LPIN1: variants seen among roughly 807,000 people sequenced by gnomAD.
The protein encoded by LPIN1 is phosphatidate phosphatase LPIN1.
A neutral mutation model predicts 107.5 loss-of-function variants in LPIN1; 71 were observed. The ratio of observed to expected loss-of-function variants is 0.66; its 90% CI spans 0.55 to 0.80. LPIN1 has a LOEUF of 0.80. Among genes scored for constraint, LPIN1 ranks in the 30% least tolerant of loss-of-function variants. LPIN1 has a pLI of 0.00. For synonymous variants in LPIN1, 445 were observed against 452.6 expected (o/e 0.98, Z 0.21); for missense variants, 1,043 against 1,160.6 (o/e 0.90, Z 1.47).
In LPIN1 at chr2:11,776,067, A is replaced by G. The variant is rs1672635199; in HGVS notation, c.723-19A>G. Reference sequence around the variant, plus strand: ...TGATTTTGTCTTTCTTTTAATGTGTATCACGTGGTGGTATCCAGTAGCCTG... The same window carrying G: ...TGATTTTGTCTTTCTTTTAATGTGTGTCACGTGGTGGTATCCAGTAGCCTG... On this transcript the variant is annotated intron_variant, in intron 5 of 20. Transcript: ENST00000674199. 7 of 1,465,634 alleles carry G rather than the reference A, an allele frequency of 4.8e-6. No individual in the cohort carries two copies. The South Asian group carries it at 4.9e-5, about 10-fold the overall frequency. The allele number at this position is 1,465,634 out of a possible 1,614,324, so 90.8% of individuals were successfully genotyped here.
Position 11,776,188 on chromosome 2 carries a change from G to C in LPIN1, c.825G>C (p.Ser275=). ...CPPQSSLFHP[S]ESPSGSRPST... ...CACAGTCTTCCCTGTTCCATCCTTC[G>C]GAAAGGTAGAGGAGTTATTTTCCCC... Residue 275 remains serine, a synonymous_variant, in exon 6 of 21, where the codon TCG becomes TCC. Transcript: ENST00000674199. The C allele has an allele frequency of 2.0e-6, 3 of 1,532,776 alleles. No individual in the cohort carries two copies. Among genetic ancestry groups the C allele is most frequent in the Non-Finnish European group, 2.6e-6 (3 of 1,133,994 alleles). 94.9% of individuals were successfully genotyped at this position (1,532,776 alleles called of 1,614,324 possible). A position where few individuals can be genotyped will look rare whatever the true frequency, so the allele number is the denominator to read the frequency against.
chr2:11,701,799 T>C lies in LPIN1; in HGVS notation c.82-11957T>C, dbSNP rs192838698. On this transcript the variant is annotated intron_variant, in intron 1 of 21. Transcript: ENST00000449576. ...AGTCCGATTCTAAAGCCTGTGTGTTTAGATTACAGAAAGCTGCTGGTATTA... is the reference window on the plus strand; with the variant it reads ...AGTCCGATTCTAAAGCCTGTGTGTTCAGATTACAGAAAGCTGCTGGTATTA... 1.9e-3 allele frequency among the ~76,000 whole-genome samples: 295 copies of C among 152,340 alleles called. 3 individuals carry two copies. The highest frequency in any genetic ancestry group is 6.6e-3 in the African/African-American group (274 of 41,576).
intron 1 of LPIN1, among the ~76,000 whole-genome samples, chr2:11,727,353 T>C (rs1011901067): frequency 9.8e-5 from 15 of 152,338 alleles, no homozygotes; most frequent in Middle Eastern, 3.4e-3. Flanking sequence ...CTAATCTAAT[T>C]TCCTGTGTTC....
At position 11,767,841 on chromosome 2, in the gene LPIN1, G is replaced by T; in HGVS notation, c.271G>T (p.Glu91Ter). 6.2e-7 allele frequency: 1 copy of T among 1,609,118 alleles called. No homozygotes were observed. The highest frequency in any genetic ancestry group is 1.1e-5 in the South Asian group (1 of 90,944). Reference sequence around the variant, plus strand: ...TAATGGAGAAGCATTTTTTGTTCAAGAAACAGATAATGATCAGGTAAGGAA... The same window carrying T: ...TAATGGAGAAGCATTTTTTGTTCAATAAACAGATAATGATCAGGTAAGGAA... ...GDNGEAFFVQ[E>*]TDNDQEVIPM... The change falls in exon 3 of 21, where the codon GAA becomes TAA. Residue 91 changes from glutamate to a stop codon, truncating the protein, a stop_gained. Transcript: ENST00000674199. LOFTEE classifies it high-confidence loss of function.
chr2:11,785,938 C>T (rs571529527), intron 10 of LPIN1, among the ~76,000 whole-genome samples: 1 of 152,352 alleles, frequency 6.6e-6, no homozygotes, highest in South Asian at 2.1e-4. Context: ...CATTCATTCA[C>T]TCAGTTTTCC....
chr2:11,741,411 A>G (rs1482877763), exon 2 of LPIN1: 1 of 1,550,212 alleles, frequency 6.5e-7, no homozygotes, highest in East Asian at 2.4e-5. Flanking sequence ...ACAACTAGAA[A>G]CCTCATCCAT....
intron 1 of LPIN1, among the ~76,000 whole-genome samples, chr2:11,699,022 G>T (rs1238011133): frequency 1.3e-5 from 2 of 152,204 alleles, no homozygotes; most frequent in Non-Finnish European, 2.9e-5. Context: ...ACACAACTTT[G>T]TAAACGTTCT....
At chr2:11,800,167 G>T (rs1393536709) in intron 14 of LPIN1, among the ~76,000 whole-genome samples, 2 of 152,222 alleles carry the variant, frequency 1.3e-5, no homozygotes, top group African/African-American at 4.8e-5. Flanking sequence ...TGCCATCGAT[G>T]CCTGGCATGG....
At chr2:11,681,388 T>A (rs960880113) in intron 1 of LPIN1, 1 of 152,372 alleles carries the variant, frequency 6.6e-6, no homozygotes, top group Non-Finnish European at 1.5e-5. Flanking sequence ...TCATGAGAGA[T>A]CTGGTTGGTT....
At chr2:11,756,434 G>C (rs1668701314) in intron 1 of LPIN1, among the ~76,000 whole-genome samples, 2 of 152,108 alleles carry the variant, frequency 1.3e-5, no homozygotes, top group Admixed American at 1.3e-4. Flanking sequence ...TGTCGCCCAG[G>C]CTGGAGTACA....
At chr2:11,725,835 G>C (rs958921538) in intron 1 of LPIN1, among the ~76,000 whole-genome samples, 1 of 152,108 alleles carries the variant, frequency 6.6e-6, no homozygotes, top group Non-Finnish European at 1.5e-5. Flanking sequence ...TGGATTTCTG[G>C]CCCTTCTTTT....
At chr2:11,680,552 A>G (rs1247019595) in intron 1 of LPIN1, among the ~76,000 whole-genome samples, 1 of 152,146 alleles carries the variant, frequency 6.6e-6, no homozygotes, top group Non-Finnish European at 1.5e-5. Flanking sequence ...GTCAAGAGTG[A>G]TTCAGCCTGG....
intron 1 of LPIN1, chr2:11,682,256 A>T (rs1037911036): frequency 6.6e-6 from 1 of 152,326 alleles, no homozygotes; most frequent in African/African-American, 2.4e-5. Context: ...ATAGGAAACC[A>T]CCTGGAAACC....
intron 1 of LPIN1, chr2:11,713,645 A>G: frequency 1.6e-6 from 1 of 628,842 alleles, no homozygotes; most frequent in Non-Finnish European, 2.8e-6. Context: ...ACCATGTTCA[A>G]AATGTAGAGT....
chr2:11,746,705 G>C (rs1013817005), intron 1 of LPIN1, 34 bp downstream of exon 1: 1 of 973,726 alleles, frequency 1.0e-6, no homozygotes, highest in African/African-American at 1.8e-5. Context: ...TCCCGCTGTG[G>C]AGCAGGGGCC....
intron 14 of LPIN1, among the ~76,000 whole-genome samples, chr2:11,799,211 T>G (rs1399307389): frequency 6.6e-6 from 1 of 152,158 alleles, no homozygotes; most frequent in Non-Finnish European, 1.5e-5. Context: ...TTTTCCTTTC[T>G]GTGTTCCTTC....
Position 11,759,127 on chromosome 2 carries a change from T to G in LPIN1, c.-9-6406T>G, listed in dbSNP as rs185499953. Among the ~76,000 whole-genome samples the G allele has an allele frequency of 6.1e-3, 825 of 136,080 alleles. 6 individuals are homozygous for G. Among genetic ancestry groups the G allele is most frequent in the South Asian group, 7.7e-3 (33 of 4,294 alleles). The allele number at this position is 136,080 out of a possible 152,430, so 89.3% of individuals were successfully genotyped here. ...CAGTTATGAGCTAGCTAGCTTGCTT[T>G]CTTTCTTTTCTTTCTTTCTTTCTTT... On this transcript the variant is annotated intron_variant, in intron 1 of 20. Transcript: ENST00000674199.
At position 11,697,759 on chromosome 2, in the gene LPIN1, G is replaced by T. The variant is rs1662660441; in HGVS notation, c.82-15997G>T. Among the ~76,000 whole-genome samples the T allele has an allele frequency of 1.3e-5, 2 of 152,114 alleles. No homozygotes were observed. Among genetic ancestry groups the T allele is most frequent in the African/African-American group, 4.8e-5 (2 of 41,422 alleles). ...GTGTGTGAGTGCTGGCAGAGTCTGG[G>T]TACCAAATGCCCCGGGCCTTGTGTC... On this transcript the variant is annotated intron_variant, in intron 1 of 21. Transcript: ENST00000449576. This position sits in a 1 kb window ranked among gnomAD's most constrained non-coding sequence, Gnocchi z 4.6.
Position 11,787,054 on chromosome 2 carries a change from C to A in LPIN1, c.1550-20C>A. 2 of 1,553,738 alleles carry A rather than the reference C, an allele frequency of 1.3e-6. No individual in the cohort carries two copies. The highest frequency in any genetic ancestry group is 1.8e-6 in the Non-Finnish European group (2 of 1,124,632). On this transcript the variant is annotated intron_variant, in intron 10 of 20. Coordinates refer to ENST00000674199, the MANE Select transcript of LPIN1 (RefSeq NM_001349206.2). The stretch of plus-strand genomic sequence containing the variant: ...ATTTTCTTTTTGTTTTTCCCTGATC[C>A]TCTGCAATTGCTGTCACAGATGCAT...
Sources: gnomAD v4.1 joint callset for allele counts (sites outside exome capture counted in the v4.1 genomes callset) on GRCh38, gnomAD v4.1.1 for gene constraint, Gnocchi (gnomAD v3.1) non-coding constraint, MANE v1.5 for transcripts, NCBI Gene and HGNC (gene_info 2026-07-23, HGNC 2026-07-21) for gene names.